Variants in BABAM2 observed in about 807,000 individuals in gnomAD.
BABAM2 encodes BRISC and BRCA1 A complex member 2.
Under a neutral mutation model 54.7 loss-of-function variants are expected in BABAM2, and 31 were observed. The ratio of observed to expected loss-of-function variants is 0.57; its 90% confidence interval spans 0.43 to 0.77. The LOEUF (loss-of-function observed/expected upper bound fraction) is 0.77. BABAM2 is among the 30% of genes least tolerant of loss of function. The pLI is 0.00. For synonymous variants in BABAM2, 167 were observed against 162.9 expected (o/e 1.03, Z -0.19); for missense variants, 364 against 455.8 (o/e 0.80, Z 1.83).
intron 6 of BABAM2, among the ~76,000 whole-genome samples, chr2:28,086,389 A>G (rs1451616366): frequency 6.6e-6 from 1 of 152,178 alleles, no homozygotes; most frequent in African/African-American, 2.4e-5. Flanking sequence ...ATTCACCACA[A>G]TGAATTAATT....
intron 6 of BABAM2, among the ~76,000 whole-genome samples, chr2:28,125,902 G>A (rs1252477027): frequency 2.0e-5 from 3 of 152,158 alleles, no homozygotes; most frequent in Non-Finnish European, 2.9e-5. Flanking sequence ...TTGATAGAGC[G>A]ATATGATTCC....
intron 7 of BABAM2, among the ~76,000 whole-genome samples, chr2:28,168,126 A>T (rs926871147): frequency 3.9e-5 from 6 of 152,184 alleles, no homozygotes; most frequent in African/African-American, 1.4e-4. Flanking sequence ...AGTGGAAAGC[A>T]CTTCCAACTA....
At chr2:28,152,851 C>A (rs1030733239) in intron 7 of BABAM2, among the ~76,000 whole-genome samples, 1 of 152,132 alleles carries the variant, frequency 6.6e-6, no homozygotes, top group Admixed American at 6.5e-5. Context: ...CAGTTCATTT[C>A]GCTGGTGATT....
chr2:28,064,210 G>A (rs146705837), intron 6 of BABAM2, among the ~76,000 whole-genome samples: 1,824 of 152,304 alleles, frequency 0.012, 12 homozygotes, highest in Admixed American at 0.018. Flanking sequence ...TTCTAAAAAA[G>A]TGACATTAGC....
intron 7 of BABAM2, among the ~76,000 whole-genome samples, chr2:28,222,087 T>C (rs1437070957): frequency 1.3e-5 from 2 of 152,168 alleles, no homozygotes; most frequent in African/African-American, 2.4e-5. Context: ...GGCCGGAAGC[T>C]CTGTGGTGGA....
upstream of BABAM2, among the ~76,000 whole-genome samples, chr2:27,888,719 A>G (rs1438456758): frequency 2.0e-5 from 3 of 152,202 alleles, no homozygotes; most frequent in Non-Finnish European, 4.4e-5. Context: ...ATGTCTGCAA[A>G]CTATGGCCTG....
intron 10 of BABAM2, among the ~76,000 whole-genome samples, chr2:28,274,563 C>A (rs1338244287): frequency 6.6e-6 from 1 of 152,150 alleles, no homozygotes; most frequent in African/African-American, 2.4e-5. Flanking sequence ...ATGCCAGTAG[C>A]TGGGACTACA....
intron 10 of BABAM2, among the ~76,000 whole-genome samples, chr2:28,245,928 G>C (rs1464234787): frequency 6.6e-6 from 1 of 152,100 alleles, no homozygotes; most frequent in Non-Finnish European, 1.5e-5. Context: ...TTTTCTATCT[G>C]ATTACACACC....
At chr2:28,238,482 C>G (rs1474202931) in intron 8 of BABAM2, among the ~76,000 whole-genome samples, 2 of 152,174 alleles carry the variant, frequency 1.3e-5, no homozygotes, top group Non-Finnish European at 2.9e-5. Context: ...AGATAGCTCA[C>G]TTCTATATAG....
At chr2:28,111,291 A>T (rs1316170929) in intron 6 of BABAM2, among the ~76,000 whole-genome samples, 1 of 151,738 alleles carries the variant, frequency 6.6e-6, no homozygotes, top group African/African-American at 2.4e-5. Flanking sequence ...GGCTGTTTCT[A>T]TATCTTCTTT....
chr2:27,929,031 C>A (rs1667913781), intron 2 of BABAM2, among the ~76,000 whole-genome samples: 1 of 130,100 alleles, frequency 7.7e-6, no homozygotes, highest in South Asian at 2.6e-4. Flanking sequence ...CCCTGGGTAA[C>A]ATAGTGAGAC....
intron 2 of BABAM2, among the ~76,000 whole-genome samples, chr2:27,907,917 A>G (rs1361770956): frequency 2.0e-5 from 3 of 152,192 alleles, no homozygotes; most frequent in Non-Finnish European, 4.4e-5. Flanking sequence ...TTATCCATTC[A>G]TCTATTGATA....
intron 10 of BABAM2, among the ~76,000 whole-genome samples, chr2:28,254,179 C>G (rs115548535): frequency 2.5e-4 from 38 of 152,320 alleles, no homozygotes; most frequent in African/African-American, 9.1e-4. Flanking sequence ...ACTGCACACT[C>G]CTTTCTATCC....
intron 7 of BABAM2, among the ~76,000 whole-genome samples, chr2:28,161,634 T>C (rs986738893): frequency 1.3e-5 from 2 of 152,162 alleles, no homozygotes; most frequent in African/African-American, 4.8e-5. Context: ...CATCTTACCC[T>C]GAAACCCCTT....
chr2:28,196,173 A>G (rs1201099927), intron 7 of BABAM2, among the ~76,000 whole-genome samples: 1 of 152,040 alleles, frequency 6.6e-6, no homozygotes, highest in African/African-American at 2.4e-5. Context: ...TAAAAATACA[A>G]AAAATTAGCT....
chr2:28,206,045 C>G (rs1678812135), intron 7 of BABAM2, among the ~76,000 whole-genome samples: 1 of 152,088 alleles, frequency 6.6e-6, no homozygotes, highest in Admixed American at 6.5e-5. Flanking sequence ...ATCTTCAAGG[C>G]TGGAGGGGTT....
In BABAM2 at chr2:28,323,163, AC is replaced by A. The variant is rs780685531; in HGVS notation, c.1089-15283del. On this transcript the variant is annotated intron_variant, in intron 11 of 11. Coordinates refer to ENST00000379624, the MANE Select transcript of BABAM2 (RefSeq NM_199191.3). ...GGGCCCTGCCCAAATGCAGTCCCTT[AC>A]CCCTGCAGGAACCAGCCCATTACTA... 1.3e-3 allele frequency among the ~76,000 whole-genome samples: 199 copies of A among 152,176 alleles called. 1 individual carries two copies. Among genetic ancestry groups the A allele is most frequent in the Non-Finnish European group, 5.9e-4 (40 of 68,034 alleles).
In BABAM2 at chr2:28,040,542, C is replaced by T. The variant is rs902504081; in HGVS notation, c.496-5183C>T. On this transcript the variant is annotated intron_variant, in intron 5 of 11. Coordinates refer to ENST00000379624, the MANE Select transcript of BABAM2 (RefSeq NM_199191.3). ...GTCTCGATCTCCTGACCTCGTGATC[C>T]GCCCGCCTCGGCCTCCCAAAGTGCT... Among the ~76,000 whole-genome samples the T allele has an allele frequency of 7.3e-5, 11 of 151,686 alleles. 1 individual carries two copies. The highest frequency in any genetic ancestry group is 2.0e-4 in the Admixed American group (3 of 15,236).
At chr2:27,960,321 G>T (rs1670377116) in intron 3 of BABAM2, among the ~76,000 whole-genome samples, 1 of 152,134 alleles carries the variant, frequency 6.6e-6, no homozygotes, top group Non-Finnish European at 1.5e-5. Flanking sequence ...AAAGTATAAG[G>T]CATAGTCCAA....
Sources: allele counts gnomAD v4.1 joint callset (sites outside exome capture counted in the v4.1 genomes callset), GRCh38; gene constraint gnomAD v4.1.1; transcripts MANE v1.5; gene names NCBI Gene and HGNC (gene_info 2026-07-23, HGNC 2026-07-21).